The following RARG variants were observed in gnomAD, a reference collection of about 807,000 sequenced individuals.
RARG encodes the protein retinoic acid receptor gamma.
Under a neutral mutation model 43.7 loss-of-function variants are expected in RARG, and 17 were observed. The observed-to-expected ratio is 0.39, with a 90% CI of 0.27 to 0.58. The LOEUF is 0.58. Ranked by LOEUF, RARG falls within the 20% of genes least tolerant of loss-of-function variation. The probability of loss-of-function intolerance (pLI) is 0.57; values close to 1 mark genes in which losing one functional copy is unlikely to be tolerated. For missense variants in RARG, 346 were observed against 598.7 expected, an observed-to-expected ratio of 0.58 and a Z score of 4.40; for synonymous variants, 238 against 236.4, an observed-to-expected ratio of 1.01 and a Z score of -0.06.
intron 3 of RARG, chr12:53,220,199 G>T (rs755338971): frequency 1.3e-6 from 2 of 1,543,212 alleles, no homozygotes; most frequent in South Asian, 2.4e-5. Context: ...AGCAGGGGGG[G>T]AGGGGGAGGG....
At chr12:53,226,561 G>A (rs1380119535) in intron 3 of RARG, among the ~76,000 whole-genome samples, 1 of 151,992 alleles carries the variant, frequency 6.6e-6, no homozygotes. Context: ...CTGACCTCAG[G>A]TGATCTGCCC....
At chr12:53,216,853 CGCGCGCGCGTGT>C (rs1411304925) in intron 3 of RARG, among the ~76,000 whole-genome samples, 2 of 117,888 alleles carry the variant, frequency 1.7e-5, no homozygotes, top group Non-Finnish European at 3.4e-5. Flanking sequence ...CGCGCGCGCG[CGCGCGCGCGTGT>C]GGTTGGTCTT....
intron 3 of RARG, among the ~76,000 whole-genome samples, chr12:53,218,531 A>G (rs959265874): frequency 6.6e-6 from 1 of 152,110 alleles, no homozygotes; most frequent in Non-Finnish European, 1.5e-5. Flanking sequence ...TTTGGTGCAA[A>G]GCAATAGTTC....
intron 3 of RARG, among the ~76,000 whole-genome samples, chr12:53,225,344 T>C (rs1325935014): frequency 6.6e-6 from 1 of 152,082 alleles, no homozygotes; most frequent in Non-Finnish European, 1.5e-5. Context: ...TCACACTGAC[T>C]CTTTGTTGCA....
intron 3 of RARG, among the ~76,000 whole-genome samples, chr12:53,219,218 G>C (rs1555181188): frequency 1.3e-5 from 2 of 152,182 alleles, no homozygotes; most frequent in Non-Finnish European, 2.9e-5. Flanking sequence ...TTGTGTGTTG[G>C]AGCCATAGGA....
rs1225525248 is a variant in RARG, at chr12:53,215,827, G to A, written c.185-33C>T. The stretch of plus-strand genomic sequence containing the variant: ...GGAAGCAGTGATGTGAGGGTCAGGG[G>A]AGAAGGACCCCACAGACCTCCAGGC... On this transcript the variant is annotated intron_variant, in intron 3 of 9. Coordinates refer to ENST00000425354, the MANE Select transcript of RARG (RefSeq NM_000966.6). This position sits in a 1 kb window ranked among gnomAD's most constrained non-coding sequence, Gnocchi z 6.4. The A allele has an allele frequency of 6.4e-7, 1 of 1,564,578 alleles. No individual in the cohort carries two copies. Among genetic ancestry groups the A allele is most frequent in the Non-Finnish European group, 8.7e-7 (1 of 1,153,756 alleles).
Position 53,213,733 on chromosome 12 carries a change from G to A in RARG, c.814-33C>T. ...TGGGGGGTGGAGGAGGGTTAGTGCT[G>A]TTTCTGGGGGATGGGGAAAAGAGGG... On this transcript the variant is annotated intron_variant, in intron 7 of 9. Transcript: ENST00000425354. This position sits in a 1 kb window ranked among gnomAD's most constrained non-coding sequence, Gnocchi z 4.7. The A allele has an allele frequency of 6.4e-7, 1 of 1,551,922 alleles. No individual in the cohort carries two copies. Among genetic ancestry groups the A allele is most frequent in the South Asian group, 1.1e-5 (1 of 88,484 alleles).
At position 53,211,974 on chromosome 12, in the gene RARG, C is replaced by T. The variant is rs1942602424; in HGVS notation, c.1178-111G>A. 2.7e-6 allele frequency: 2 copies of T among 752,636 alleles called. No individual in the cohort carries two copies. Among genetic ancestry groups the T allele is most frequent in the East Asian group, 6.4e-5 (2 of 31,304 alleles). The allele number at this position is 752,636 out of a possible 1,614,324, so 46.6% of individuals were successfully genotyped here. A position where few individuals can be genotyped will look rare whatever the true frequency, so the allele number is the denominator to read the frequency against. ...CCTGACTCCCCTAGGGGGCGCCCAGCACAGGCCCACCACCTCTCCGTCCCC... is the reference window on the plus strand; with the variant it reads ...CCTGACTCCCCTAGGGGGCGCCCAGTACAGGCCCACCACCTCTCCGTCCCC... On this transcript the variant is annotated intron_variant, in intron 9 of 9. Coordinates refer to ENST00000425354, the MANE Select transcript of RARG (RefSeq NM_000966.6). This position sits in a 1 kb window ranked among gnomAD's most constrained non-coding sequence, Gnocchi z 4.6.
intron 3 of RARG, among the ~76,000 whole-genome samples, chr12:53,216,935 G>A (rs1942788878): frequency 6.6e-6 from 1 of 151,970 alleles, no homozygotes; most frequent in East Asian, 1.9e-4. Flanking sequence ...CAAACCTGGA[G>A]GGCCCAAGTT....
chr12:53,222,421 A>T (rs1284290611), intron 3 of RARG, among the ~76,000 whole-genome samples: 5 of 152,140 alleles, frequency 3.3e-5, no homozygotes, highest in Non-Finnish European at 7.4e-5. Context: ...AAGAGCCTTG[A>T]TTAGTCAACT....
chr12:53,226,966 T>C (rs1320819839), intron 3 of RARG, among the ~76,000 whole-genome samples: 4 of 152,118 alleles, frequency 2.6e-5, no homozygotes, highest in Non-Finnish European at 5.9e-5. Flanking sequence ...ACTCCTCTGC[T>C]TCCCAGTTTG....
intron 3 of RARG, among the ~76,000 whole-genome samples, chr12:53,226,192 G>A (rs539204522): frequency 3.3e-5 from 5 of 152,252 alleles, no homozygotes; most frequent in Admixed American, 3.3e-4. Flanking sequence ...GCAGTGGCGC[G>A]ATCTTGGCTC....
At position 53,213,247 on chromosome 12, in the gene RARG, T is replaced by A; in HGVS notation, c.1019-4A>T. ...GGCTCCTCCAGGTCCATGCGGTCTA[T>A]GGGGACAAGTATACTGGAGTGAGAG... is the stretch of plus-strand genomic sequence containing the variant. On this transcript the variant is annotated splice_region_variant and splice_polypyrimidine_tract_variant and intron_variant, in intron 8 of 9. Transcript: ENST00000425354. The surrounding 1 kb of genome is among the most constrained non-coding windows in gnomAD (Gnocchi z 4.7). 6.4e-7 allele frequency: 1 copy of A among 1,566,210 alleles called. No individual in the cohort carries two copies. The highest frequency in any genetic ancestry group is 8.8e-7 in the Non-Finnish European group (1 of 1,137,428).
Position 53,215,815 on chromosome 12 carries a change from T to C in RARG, c.185-21A>G. The C allele has an allele frequency of 1.9e-6, 3 of 1,584,096 alleles. No individual in the cohort carries two copies. The highest frequency in any genetic ancestry group is 2.6e-6 in the Non-Finnish European group (3 of 1,163,632). Reference sequence around the variant, plus strand: ...CACCGCTGGGAGGGAAGCAGTGATGTGAGGGTCAGGGGAGAAGGACCCCAC... The same window carrying C: ...CACCGCTGGGAGGGAAGCAGTGATGCGAGGGTCAGGGGAGAAGGACCCCAC... On this transcript the variant is annotated intron_variant, in intron 3 of 9. Coordinates refer to ENST00000425354, the MANE Select transcript of RARG (RefSeq NM_000966.6). This position sits in a 1 kb window ranked among gnomAD's most constrained non-coding sequence, Gnocchi z 6.4.
rs1480934712 is a variant in RARG at position 53,223,501 on chromosome 12, G to A, written c.184+3861C>T. Among the ~76,000 whole-genome samples, 6 of 150,334 alleles carry A rather than the reference G, an allele frequency of 4.0e-5. No homozygotes were observed. The East Asian group carries it at 8.0e-4, about 20-fold the overall frequency. The stretch of plus-strand genomic sequence containing the variant: ...GGGGTGCAGCCTGGGCCCTGGCGGC[G>A]GCGGCTTGCCCGGCTCCCCCCGCCC... On this transcript the variant is annotated intron_variant, in intron 3 of 9. Transcript: ENST00000425354.
At chr12:53,221,761 G>A (rs1942970229) in intron 3 of RARG, among the ~76,000 whole-genome samples, 1 of 148,820 alleles carries the variant, frequency 6.7e-6, no homozygotes, top group African/African-American at 2.4e-5. Context: ...CTCAGCCGCC[G>A]GGCCGCCCGG....
At chr12:53,219,889 G>GA in intron 3 of RARG, 1 of 1,386,198 alleles carries the variant, frequency 7.2e-7, no homozygotes, top group Non-Finnish European at 9.6e-7. Flanking sequence ...TTTACACACG[G>GA]AAAGAGTAAA....
chr12:53,214,044 C>T lies in RARG; in HGVS notation c.813+15G>A, dbSNP rs753476911. On this transcript the variant is annotated intron_variant, in intron 7 of 9. Coordinates refer to ENST00000425354, the MANE Select transcript of RARG (RefSeq NM_000966.6). ...GTGGGTCGGGCTGTGGCAGGACCCA[C>T]AGGGCCTAACTTACCAGGATATCTA... 3 of 1,596,478 alleles carry T rather than the reference C, an allele frequency of 1.9e-6. No individual in the cohort carries two copies. The highest frequency in any genetic ancestry group is 1.7e-6 in the Non-Finnish European group (2 of 1,172,470).
At position 53,212,422 on chromosome 12, in the gene RARG, G is replaced by T. The variant is rs1314906968; in HGVS notation, c.1178-559C>A. Among the ~76,000 whole-genome samples the T allele has an allele frequency of 3.3e-5, 5 of 151,980 alleles. No homozygotes were observed. In the South Asian group the frequency reaches 6.2e-4, roughly 19 times the overall value. Reference sequence around the variant, plus strand: ...ACTGTATATGTTACAGGTTTTTTTTGTTGTGTTGTTGTTGTTGTTGTTGTT... The same window carrying T: ...ACTGTATATGTTACAGGTTTTTTTTTTTGTGTTGTTGTTGTTGTTGTTGTT... On this transcript the variant is annotated intron_variant, in intron 9 of 9. Transcript: ENST00000425354.
Sources: allele counts gnomAD v4.1 joint callset (sites outside exome capture counted in the v4.1 genomes callset), GRCh38; gene constraint gnomAD v4.1.1; non-coding constraint Gnocchi (gnomAD v3.1); transcripts MANE v1.5; gene names NCBI Gene and HGNC (gene_info 2026-07-23, HGNC 2026-07-21).